ADGRA3: variants seen among roughly 807,000 people sequenced by gnomAD.
The protein encoded by ADGRA3 is G-protein coupled receptor 125.
A neutral mutation model predicts 119.8 loss-of-function variants in ADGRA3; 56 were observed. The ratio of observed to expected loss-of-function variants is 0.47; its 90% CI spans 0.38 to 0.58. ADGRA3 has a LOEUF of 0.58. Among genes scored for constraint, ADGRA3 ranks in the 20% least tolerant of loss-of-function variants. The probability of loss-of-function intolerance (pLI) is 0.00; values close to 1 mark genes in which losing one functional copy is unlikely to be tolerated. For missense variants in ADGRA3, 1,516 were observed against 1,649.0 expected (o/e 0.92, Z 1.40); for synonymous variants, 607 against 623.8 (o/e 0.97, Z 0.40).
intron 10 of ADGRA3, among the ~76,000 whole-genome samples, chr4:22,430,591 G>T (rs1198446885): frequency 2.6e-5 from 4 of 152,004 alleles, no homozygotes. Context: ...GCCGTAAAGG[G>T]CATTCCATTT....
intron 4 of ADGRA3, among the ~76,000 whole-genome samples, chr4:22,453,265 G>A (rs1287878442): frequency 6.7e-6 from 1 of 150,162 alleles, no homozygotes; most frequent in Non-Finnish European, 1.5e-5. Context: ...ATTTTAAAAA[G>A]CACTGAGATA....
chr4:22,498,976 C>A (rs1398287261), intron 1 of ADGRA3, among the ~76,000 whole-genome samples: 1 of 151,884 alleles, frequency 6.6e-6, no homozygotes. Flanking sequence ...AGCTCAAGAT[C>A]CCAACACAGG....
In ADGRA3 at chr4:22,513,845, C is replaced by CAAAAA. The variant is rs59015584; in HGVS notation, c.257+1678_257+1682dup. ...TATTTTCATCTAAAAAGCTTTCAGG[C>CAAAAA]AAAAAAAAAAAAAAAAAAAAAAAAA... On this transcript the variant is annotated intron_variant, in intron 1 of 18. Transcript: ENST00000334304. 6.7e-3 allele frequency among the ~76,000 whole-genome samples: 212 copies of CAAAAA among 31,474 alleles called. 20 individuals are homozygous for CAAAAA. Among genetic ancestry groups the CAAAAA allele is most frequent in the African/African-American group, 0.02 (203 of 10,142 alleles). The allele number at this position is 31,474 out of a possible 152,430, so 20.6% of individuals were successfully genotyped here. A position where few individuals can be genotyped will look rare whatever the true frequency, so the allele number is the denominator to read the frequency against.
chr4:22,514,291 C>G (rs577294433), intron 1 of ADGRA3, among the ~76,000 whole-genome samples: 3 of 150,378 alleles, frequency 2.0e-5, no homozygotes, highest in South Asian at 4.1e-4. Context: ...CTGCCACCAC[C>G]ACATGGTAAC....
chr4:22,450,450 G>A (rs1285725129), intron 4 of ADGRA3, among the ~76,000 whole-genome samples: 1 of 151,960 alleles, frequency 6.6e-6, no homozygotes, highest in Non-Finnish European at 1.5e-5. Flanking sequence ...ATTTTTAGTA[G>A]GGACGAGGTT....
At chr4:22,438,487 CTCAA>C (rs1716484848) in intron 7 of ADGRA3, 67 bp from the exon 8 acceptor site, 9 of 1,235,822 alleles carry the variant, frequency 7.3e-6, no homozygotes, top group Non-Finnish European at 2.3e-6. Context: ...AATAATGGGT[CTCAA>C]TCATTAATTT....
In ADGRA3 at chr4:22,432,286, T is replaced by A. The variant is rs542335137; in HGVS notation, c.1443+3025A>T. Among the ~76,000 whole-genome samples, 24 of 152,128 alleles carry A rather than the reference T, an allele frequency of 1.6e-4. 2 individuals carry two copies. In the South Asian group the frequency reaches 5.0e-3, roughly 32 times the overall value. ...ATTTCAGACCTGCTGAAATGGCAACTGGGAATGGCAGGGAGGGGGAACTCA... is the reference window on the plus strand; with the variant it reads ...ATTTCAGACCTGCTGAAATGGCAACAGGGAATGGCAGGGAGGGGGAACTCA... On this transcript the variant is annotated intron_variant, in intron 10 of 18. Transcript: ENST00000334304.
chr4:22,475,547 G>A (rs1432106115), intron 1 of ADGRA3, among the ~76,000 whole-genome samples: 3 of 152,080 alleles, frequency 2.0e-5, no homozygotes, highest in Admixed American at 1.3e-4. Context: ...CTAAAACGGT[G>A]AAACCCCGTC....
intron 1 of ADGRA3, among the ~76,000 whole-genome samples, chr4:22,495,073 G>T (rs1278369270): frequency 6.6e-6 from 1 of 151,896 alleles, no homozygotes; most frequent in East Asian, 1.9e-4. Flanking sequence ...ATGTGAATGT[G>T]GTTTCTCTCT....
intron 1 of ADGRA3, among the ~76,000 whole-genome samples, chr4:22,495,752 CA>C (rs1022445815): frequency 6.6e-6 from 1 of 151,826 alleles, no homozygotes. Context: ...ACTAAAAATA[CA>C]AAAAAATTAG....
intron 10 of ADGRA3, among the ~76,000 whole-genome samples, chr4:22,433,495 T>G (rs1263884103): frequency 1.3e-5 from 2 of 152,172 alleles, no homozygotes; most frequent in Non-Finnish European, 2.9e-5. Flanking sequence ...AATTAATAAC[T>G]AATGAAACCA....
chr4:22,514,177 TCTC>T (rs1295778302), intron 1 of ADGRA3, among the ~76,000 whole-genome samples: 2 of 151,886 alleles, frequency 1.3e-5, no homozygotes, highest in East Asian at 1.9e-4. Context: ...ACAAAGAAAA[TCTC>T]CTCCAACATT....
intron 10 of ADGRA3, among the ~76,000 whole-genome samples, chr4:22,430,140 G>A (rs1003771046): frequency 5.9e-5 from 9 of 152,126 alleles, no homozygotes; most frequent in African/African-American, 1.9e-4. Context: ...CAGCCATGTG[G>A]AACTTTAAGT....
At chr4:22,415,022 C>T (rs1194702733) in intron 12 of ADGRA3, among the ~76,000 whole-genome samples, 1 of 151,380 alleles carries the variant, frequency 6.6e-6, no homozygotes, top group African/African-American at 2.4e-5. Context: ...AGATTAGCTG[C>T]TTCCTCTTCT....
intron 16 of ADGRA3, among the ~76,000 whole-genome samples, chr4:22,396,988 T>C (rs55846611): frequency 0.017 from 2,660 of 152,218 alleles, 78 homozygotes; most frequent in African/African-American, 0.06. Flanking sequence ...ATGAAGACCT[T>C]TATTGCCACT....
intron 1 of ADGRA3, among the ~76,000 whole-genome samples, chr4:22,478,864 T>A (rs1718145984): frequency 6.6e-6 from 1 of 152,124 alleles, no homozygotes; most frequent in African/African-American, 2.4e-5. Flanking sequence ...TTCCCAGAAC[T>A]AAGGAAAAGA....
chr4:22,513,143 CTTTTTTTTTTTT>C (rs142313161), intron 1 of ADGRA3, among the ~76,000 whole-genome samples: 1 of 133,498 alleles, frequency 7.5e-6, no homozygotes, highest in Admixed American at 7.6e-5. Context: ...CAACTTTCCT[CTTTTTTTTTTTT>C]TTTTTTTGAG....
intron 11 of ADGRA3, among the ~76,000 whole-genome samples, chr4:22,423,148 T>C (rs1208244026): frequency 6.6e-6 from 1 of 151,438 alleles, no homozygotes; most frequent in Non-Finnish European, 1.5e-5. Context: ...TGAGCCAAGA[T>C]AACACCACTG....
At position 22,438,427 on chromosome 4, in the gene ADGRA3, A is replaced by G. The variant is rs554231535; in HGVS notation, c.921-7T>C. 8.1e-6 allele frequency: 13 copies of G among 1,606,888 alleles called. No individual in the cohort carries two copies. The South Asian group carries it at 1.1e-4, about 14-fold the overall frequency. On this transcript the variant is annotated splice_region_variant and splice_polypyrimidine_tract_variant and intron_variant, in intron 7 of 18. Coordinates refer to ENST00000334304, the MANE Select transcript of ADGRA3 (RefSeq NM_145290.4). ...ATTAGAAATGGTTAGGGCACTGCAT[A>G]AAGAAAGATTTTAAAAAGAGAGAAA...
Sources: gnomAD v4.1 joint callset for allele counts (sites outside exome capture counted in the v4.1 genomes callset) on GRCh38, gnomAD v4.1.1 for gene constraint, MANE v1.5 for transcripts, NCBI Gene and HGNC (gene_info 2026-07-23, HGNC 2026-07-21) for gene names.